Variants in ST7 observed in about 807,000 individuals in gnomAD.
ST7 encodes suppression of tumorigenicity 7.
A neutral mutation model predicts 78.7 loss-of-function variants in ST7; 28 were observed. That is an observed-to-expected ratio of 0.36 (90% CI 0.26 to 0.49). The LOEUF (loss-of-function observed/expected upper bound fraction) is 0.49, where lower values mean the gene tolerates loss of function less well. Among genes scored for constraint, ST7 ranks in the 20% least tolerant of loss-of-function variants. ST7 has a pLI of 0.99. For missense variants in ST7, 418 were observed against 696.0 expected (o/e 0.60, Z 4.49); for synonymous variants, 247 against 249.6 (o/e 0.99, Z 0.10).
chr7:117,150,400 ACT>A (rs1406619365), intron 9 of ST7, among the ~76,000 whole-genome samples: 1 of 149,788 alleles, frequency 6.7e-6, no homozygotes, highest in Non-Finnish European at 1.5e-5. Context: ...TCTTCTCTTG[ACT>A]CTTCTGTTTC....
intron 1 of ST7, among the ~76,000 whole-genome samples, chr7:116,995,289 A>G (rs1017578061): frequency 3.9e-5 from 6 of 152,248 alleles, no homozygotes; most frequent in African/African-American, 1.2e-4. Context: ...CCTTTGACAA[A>G]TGAGGAATAG....
chr7:117,009,247 C>CTTT (rs1205304689), intron 1 of ST7, among the ~76,000 whole-genome samples: 1 of 121,384 alleles, frequency 8.2e-6, no homozygotes, highest in African/African-American at 3.4e-5. Context: ...AACTTCTCCA[C>CTTT]TTTTTTTTTG....
At chr7:117,224,971 C>T (rs754489173) in intron 15 of ST7, among the ~76,000 whole-genome samples, 5 of 152,196 alleles carry the variant, frequency 3.3e-5, no homozygotes, top group East Asian at 1.9e-4. Context: ...TCCCCACAAC[C>T]GGAACTTTCT....
At chr7:117,205,477 A>T (rs1468923073) in intron 12 of ST7, among the ~76,000 whole-genome samples, 3 of 152,224 alleles carry the variant, frequency 2.0e-5, no homozygotes, top group Non-Finnish European at 1.5e-5. Context: ...AAATAGTTGT[A>T]TGAGTTAATT....
At chr7:117,046,093 C>G (rs891799416) in intron 1 of ST7, among the ~76,000 whole-genome samples, 4 of 152,152 alleles carry the variant, frequency 2.6e-5, no homozygotes, top group Non-Finnish European at 4.4e-5. Context: ...AAATTATGTA[C>G]CTTGCTGAAA....
chr7:117,209,586 C>G (rs1257909358), intron 12 of ST7, among the ~76,000 whole-genome samples: 1 of 152,212 alleles, frequency 6.6e-6, no homozygotes, highest in Non-Finnish European at 1.5e-5. Context: ...CTGTAGGAAA[C>G]TAGTACAAGG....
At chr7:116,966,228 G>C in intron 1 of ST7, 1 of 228,770 alleles carries the variant, frequency 4.4e-6, no homozygotes, top group Non-Finnish European at 9.4e-6. Flanking sequence ...AATATATGTT[G>C]CTTTTTTCTT....
chr7:117,130,678 AAT>A, intron 5 of ST7, 72 bp downstream of exon 5: 1 of 1,077,646 alleles, frequency 9.3e-7, no homozygotes, highest in Non-Finnish European at 1.4e-6. Context: ...CTGCTTTTAG[AAT>A]ATCCACTCTG....
intron 1 of ST7, among the ~76,000 whole-genome samples, chr7:117,068,610 T>C (rs1009315816): frequency 2.0e-5 from 3 of 152,264 alleles, no homozygotes; most frequent in African/African-American, 7.2e-5. Flanking sequence ...TTCCTTTTAG[T>C]GACTAAAACA....
intron 1 of ST7, among the ~76,000 whole-genome samples, chr7:117,052,580 G>T (rs1405917832): frequency 6.6e-6 from 1 of 152,240 alleles, no homozygotes. Context: ...GTGCCAAGAA[G>T]TAACATTCTC....
At chr7:117,068,847 G>A (rs1426080095) in intron 1 of ST7, among the ~76,000 whole-genome samples, 1 of 152,190 alleles carries the variant, frequency 6.6e-6, no homozygotes, top group African/African-American at 2.4e-5. Flanking sequence ...TTTTGGCATG[G>A]GGAGCCATGA....
At chr7:117,071,665 A>G (rs1027883333) in intron 1 of ST7, among the ~76,000 whole-genome samples, 5 of 152,252 alleles carry the variant, frequency 3.3e-5, no homozygotes, top group Non-Finnish European at 7.3e-5. Flanking sequence ...AAGGTGGCTT[A>G]GGGCTGAGGA....
intron 9 of ST7, among the ~76,000 whole-genome samples, chr7:117,165,827 C>T (rs1807510996): frequency 6.6e-6 from 1 of 152,128 alleles, no homozygotes; most frequent in Non-Finnish European, 1.5e-5. Context: ...CAGGAGAGCA[C>T]TCCAGGGAGG....
chr7:117,088,243 G>A (rs1001549199), intron 1 of ST7, among the ~76,000 whole-genome samples: 1 of 151,938 alleles, frequency 6.6e-6, no homozygotes, highest in African/African-American at 2.4e-5. Flanking sequence ...GATTTTATCT[G>A]TACTTCTCTT....
chr7:116,977,501 G>A (rs546164221), intron 1 of ST7, among the ~76,000 whole-genome samples: 1 of 152,290 alleles, frequency 6.6e-6, no homozygotes, highest in Non-Finnish European at 1.5e-5. Flanking sequence ...AATCTAATTT[G>A]TGCTGGGATC....
chr7:117,223,021 C>G (rs775072100), intron 15 of ST7: 4 of 1,422,414 alleles, frequency 2.8e-6, no homozygotes, highest in Non-Finnish European at 4.0e-6. Context: ...ACTGCTCCTC[C>G]TCCTGTATTC....
chr7:116,965,093 A>G (rs1793034985), intron 1 of ST7, among the ~76,000 whole-genome samples: 1 of 152,180 alleles, frequency 6.6e-6, no homozygotes, highest in Non-Finnish European at 1.5e-5. Flanking sequence ...TAATCCCAGC[A>G]CTTTGGGAGG....
intron 12 of ST7, among the ~76,000 whole-genome samples, chr7:117,196,927 A>G (rs1055513757): frequency 6.6e-6 from 1 of 152,042 alleles, no homozygotes; most frequent in African/African-American, 2.4e-5. Flanking sequence ...TGTAGTTTAT[A>G]TTTAAATTTT....
chr7:117,213,940 C>A (rs17139470), intron 13 of ST7, among the ~76,000 whole-genome samples: 5,271 of 152,266 alleles, frequency 0.035, 299 homozygotes, highest in African/African-American at 0.12. Context: ...AACGAAGGGT[C>A]TCGTTTGAAC....
Sources: allele counts gnomAD v4.1 joint callset (sites outside exome capture counted in the v4.1 genomes callset), GRCh38; gene constraint gnomAD v4.1.1; transcripts MANE v1.5; gene names NCBI Gene and HGNC (gene_info 2026-07-23, HGNC 2026-07-21).